Variants in ATP9A observed in about 807,000 individuals in gnomAD.
The protein encoded by ATP9A is probable phospholipid-transporting ATPase IIA.
A neutral mutation model predicts 144.1 loss-of-function variants in ATP9A; 52 were observed. That is an observed-to-expected ratio of 0.36 (90% CI 0.29 to 0.45). The LOEUF is 0.45. Ranked by LOEUF, ATP9A falls within the 20% of genes least tolerant of loss-of-function variation. The pLI, the probability that ATP9A is intolerant of heterozygous loss-of-function variation, is 1.00. For synonymous variants in ATP9A, 582 were observed against 557.4 expected (o/e 1.04, Z -0.62); for missense variants, 947 against 1,392.7 (o/e 0.68, Z 5.09).
chr20:51,674,571 G>A (rs542129947), intron 10 of ATP9A, among the ~76,000 whole-genome samples: 1 of 152,170 alleles, frequency 6.6e-6, no homozygotes, highest in East Asian at 1.9e-4. Context: ...AAAGAATTCT[G>A]AAAACTCAAA....
chr20:51,700,209 T>C (rs2077587591), intron 4 of ATP9A, among the ~76,000 whole-genome samples: 1 of 152,082 alleles, frequency 6.6e-6, no homozygotes, highest in South Asian at 2.1e-4. Context: ...CTGGAGAACA[T>C]CCAATTAGAT....
intron 13 of ATP9A, among the ~76,000 whole-genome samples, chr20:51,661,181 C>T (rs979706139): frequency 3.3e-5 from 5 of 152,158 alleles, no homozygotes; most frequent in East Asian, 1.9e-4. Context: ...CATTAGTAAT[C>T]CACAGCTAGG....
At chr20:51,627,208 C>T (rs532588758) in intron 17 of ATP9A, among the ~76,000 whole-genome samples, 1 of 152,148 alleles carries the variant, frequency 6.6e-6, no homozygotes, top group South Asian at 2.1e-4. Context: ...AGTTTATATT[C>T]TTCTGGCCTC....
chr20:51,684,447 A>G (rs1199204792), intron 9 of ATP9A, among the ~76,000 whole-genome samples: 1 of 152,196 alleles, frequency 6.6e-6, no homozygotes, highest in African/African-American at 2.4e-5. Flanking sequence ...CTGTAATCCC[A>G]GCACTTTGGG....
chr20:51,601,848 A>G (rs2077144450), intron 27 of ATP9A, among the ~76,000 whole-genome samples: 1 of 152,060 alleles, frequency 6.6e-6, no homozygotes, highest in African/African-American at 2.4e-5. Context: ...TTGAGACTGC[A>G]GTGAGCCAAC....
At chr20:51,645,791 G>A (rs894819528) in intron 14 of ATP9A, among the ~76,000 whole-genome samples, 4 of 152,306 alleles carry the variant, frequency 2.6e-5, no homozygotes, top group East Asian at 1.9e-4. Flanking sequence ...GGAGTGAGCT[G>A]AGATAACTGC....
chr20:51,660,713 A>AG (rs2077407164), intron 13 of ATP9A, among the ~76,000 whole-genome samples: 1 of 152,262 alleles, frequency 6.6e-6, no homozygotes, highest in Non-Finnish European at 1.5e-5. Context: ...GAAACTGACC[A>AG]GGGGCTGTGT....
rs772360879 is a variant in ATP9A at position 51,605,033 on chromosome 20, G to A, written c.2804-13C>T. The A allele has an allele frequency of 6.3e-7, 1 of 1,592,996 alleles. No individual in the cohort carries two copies. The highest frequency in any genetic ancestry group is 1.1e-5 in the South Asian group (1 of 87,820). ...ATGATGGTGCTCCCTGCAAACACCAGAGAAGGGTATTCCCCTCACCCTCCC... is the reference window on the plus strand; with the variant it reads ...ATGATGGTGCTCCCTGCAAACACCAAAGAAGGGTATTCCCCTCACCCTCCC... On this transcript the variant is annotated splice_polypyrimidine_tract_variant and intron_variant, in intron 26 of 27. Transcript: ENST00000338821.
chr20:51,627,554 G>T, intron 17 of ATP9A, 46 bp downstream of exon 17: 1 of 1,524,280 alleles, frequency 6.6e-7, no homozygotes, highest in Non-Finnish European at 9.1e-7. Flanking sequence ...TGACTGGGAG[G>T]CAGGTGGGGC....
intron 9 of ATP9A, among the ~76,000 whole-genome samples, chr20:51,684,491 T>C (rs771920853): frequency 4.0e-5 from 6 of 149,224 alleles, no homozygotes; most frequent in Non-Finnish European, 7.4e-5. Context: ...GGTCAGGCGA[T>C]TGAGACCATC....
intron 1 of ATP9A, among the ~76,000 whole-genome samples, chr20:51,754,862 C>T (rs1370493363): frequency 2.0e-5 from 3 of 151,602 alleles, no homozygotes; most frequent in African/African-American, 7.3e-5. Context: ...GCCTGTAATC[C>T]CAGCACTTTG....
rs554514591 is a variant in ATP9A, at chr20:51,661,894, A to G, written c.1294-4744T>C. Among the ~76,000 whole-genome samples, 142 of 152,306 alleles carry G rather than the reference A, an allele frequency of 9.3e-4. 1 individual carries two copies. Among genetic ancestry groups the G allele is most frequent in the Middle Eastern group, 3.4e-3 (1 of 294 alleles). On this transcript the variant is annotated intron_variant, in intron 13 of 27. Coordinates refer to ENST00000338821, the MANE Select transcript of ATP9A (RefSeq NM_006045.3). ...TTAGAGCAGACATCATCTGCAACAC[A>G]AAGTCAATAAATTTAAATGTACCCA...
intron 13 of ATP9A, among the ~76,000 whole-genome samples, chr20:51,662,868 C>G (rs2077416680): frequency 6.6e-6 from 1 of 151,750 alleles, no homozygotes; most frequent in South Asian, 2.1e-4. Flanking sequence ...GTCAGGAGTT[C>G]GAGATCAGCC....
intron 9 of ATP9A, among the ~76,000 whole-genome samples, chr20:51,676,893 G>C (rs931286168): frequency 2.0e-5 from 3 of 148,712 alleles, no homozygotes; most frequent in Non-Finnish European, 4.4e-5. Context: ...TGGGATTACA[G>C]GCATGAGCCA....
chr20:51,761,483 C>T (rs915991434), intron 1 of ATP9A, among the ~76,000 whole-genome samples: 1 of 152,164 alleles, frequency 6.6e-6, no homozygotes, highest in Non-Finnish European at 1.5e-5. Flanking sequence ...CAACTTTGGC[C>T]GGGCGCCGTG....
chr20:51,743,423 G>A (rs1478500619), intron 1 of ATP9A, among the ~76,000 whole-genome samples: 20 of 17,706 alleles, frequency 1.1e-3, no homozygotes, highest in African/African-American at 9.6e-3. Flanking sequence ...TTTTTGAGAC[G>A]GAGTCTCACT....
intron 9 of ATP9A, among the ~76,000 whole-genome samples, chr20:51,679,922 C>T (rs8114253): frequency 1.3e-3 from 203 of 152,114 alleles, no homozygotes; most frequent in African/African-American, 4.5e-3. Flanking sequence ...GGGTATAGAC[C>T]ATGGAGGCAC....
At chr20:51,664,456 C>T (rs1161410030) in intron 13 of ATP9A, among the ~76,000 whole-genome samples, 5 of 151,978 alleles carry the variant, frequency 3.3e-5, no homozygotes, top group African/African-American at 9.6e-5. Flanking sequence ...GGTATGGTGA[C>T]GCATGCCTGT....
At chr20:51,719,745 A>AG (rs377547496) in intron 3 of ATP9A, among the ~76,000 whole-genome samples, 16 of 137,470 alleles carry the variant, frequency 1.2e-4, no homozygotes, top group South Asian at 2.3e-4. Flanking sequence ...AAAAAAAAAA[A>AG]GGGGGGGGAA....
Sources: gnomAD v4.1 joint callset for allele counts (sites outside exome capture counted in the v4.1 genomes callset) on GRCh38, gnomAD v4.1.1 for gene constraint, MANE v1.5 for transcripts, NCBI Gene and HGNC (gene_info 2026-07-23, HGNC 2026-07-21) for gene names.